The following CXCL12 variants were observed in gnomAD, a reference collection of about 807,000 sequenced individuals.
The protein encoded by CXCL12 is stromal cell-derived factor 1.
Under a neutral mutation model 10.7 loss-of-function variants are expected in CXCL12, and 4 were observed. That is an observed-to-expected ratio of 0.37 (90% CI 0.18 to 0.86). The LOEUF (loss-of-function observed/expected upper bound fraction) is 0.86, where lower values mean the gene tolerates loss of function less well. Among genes scored for constraint, CXCL12 ranks in the 40% least tolerant of loss-of-function variants. CXCL12 has a pLI of 0.43. For missense variants in CXCL12, 122 were observed against 110.4 expected, an observed-to-expected ratio of 1.10 and a Z score of -0.47; for synonymous variants, 54 against 45.4, an observed-to-expected ratio of 1.19 and a Z score of -0.77.
downstream of CXCL12, chr10:44,372,472 C>A: frequency 3.3e-6 from 1 of 300,096 alleles, no homozygotes; most frequent in Non-Finnish European, 5.4e-6. Flanking sequence ...ACATTGGTCA[C>A]AGAGGAGGAC....
At chr10:44,384,417 T>C (rs1839732548) in intron 1 of CXCL12, among the ~76,000 whole-genome samples, 1 of 152,116 alleles carries the variant, frequency 6.6e-6, no homozygotes, top group African/African-American at 2.4e-5. Flanking sequence ...GAGGATCGGC[T>C]TCGCAGGGAG....
chr10:44,383,617 G>T (rs1006392109), intron 1 of CXCL12, among the ~76,000 whole-genome samples: 1 of 135,540 alleles, frequency 7.4e-6, no homozygotes, highest in Non-Finnish European at 1.6e-5. Context: ...TGCGGGGGGG[G>T]GGGGGGGTCA....
Position 44,377,094 on chromosome 10 carries a change from T to C in CXCL12, c.*1539A>G, listed in dbSNP as rs1839478298. On this transcript the variant is annotated 3_prime_UTR_variant, in exon 3 of 3. Transcript: ENST00000343575. ...CATCACTAACAACTAATGAATTTTA[T>C]TTCAGGTAAATAAATTCCCACATAC... is the stretch of plus-strand genomic sequence containing the variant. 2 of 985,698 alleles carry C rather than the reference T, an allele frequency of 2.0e-6. No homozygotes were observed. Among genetic ancestry groups the C allele is most frequent in the South Asian group, 9.4e-5 (2 of 21,308 alleles). 61.1% of individuals were successfully genotyped at this position (985,698 alleles called of 1,614,324 possible).
chr10:44,372,590 G>T, downstream of CXCL12: 2 of 1,201,060 alleles, frequency 1.7e-6, no homozygotes, highest in Non-Finnish European at 1.1e-6. Context: ...TTTCCTGCTT[G>T]GTGCACAGTT....
chr10:44,374,337 G>A, downstream of CXCL12: 1 of 418,350 alleles, frequency 2.4e-6, no homozygotes, highest in Non-Finnish European at 4.8e-6. Flanking sequence ...TGGGGGCACA[G>A]GTTTGCCCTC....
chr10:44,376,913 T>TAA (rs36112451), downstream of CXCL12: 37,721 of 144,990 alleles, frequency 0.26, 4,991 homozygotes, highest in Non-Finnish European at 0.29. Context: ...TCAATCGGGT[T>TAA]AAAAAAAAAA....
intron 1 of CXCL12, among the ~76,000 whole-genome samples, chr10:44,384,002 CCTGTG>C (rs1839718277): frequency 6.6e-6 from 1 of 152,212 alleles, no homozygotes; most frequent in Non-Finnish European, 1.5e-5. Flanking sequence ...GCATCGGTGT[CCTGTG>C]ACAGCGCAGC....
At chr10:44,376,066 G>A (rs1290882234), downstream of CXCL12, 5 of 1,601,338 alleles carry the variant, frequency 3.1e-6, no homozygotes, top group African/African-American at 5.4e-5. Flanking sequence ...TTAATAATGT[G>A]GAAATAAACA....
In CXCL12 at chr10:44,384,979, C is replaced by T; in HGVS notation, c.27G>A (p.Leu9=). The change falls in exon 1 of 3, where the codon CTG becomes CTA. Residue 9 remains leucine, a synonymous_variant. Transcript: ENST00000343575. ...GGCAGAGCGCGGTCAGCACGAGGACCAGCACGACCACGACCTTGGCGTTCA... is the reference window on the plus strand; with the variant it reads ...GGCAGAGCGCGGTCAGCACGAGGACTAGCACGACCACGACCTTGGCGTTCA... The part of the protein sequence containing the change: MNAKVVVV[L]VLVLTALCLS... 2 of 1,544,322 alleles carry T rather than the reference C, an allele frequency of 1.3e-6. No homozygotes were observed. Among genetic ancestry groups the T allele is most frequent in the South Asian group, 2.4e-5 (2 of 84,648 alleles).
chr10:44,377,743 G>C lies in CXCL12; in HGVS notation c.*890C>G, dbSNP rs751715604. ...ACTTGTCTTTTGCGGGTAAGCAGGGGGACCATTACACATCCCCAGGAGAGG... is the reference window on the plus strand; with the variant it reads ...ACTTGTCTTTTGCGGGTAAGCAGGGCGACCATTACACATCCCCAGGAGAGG... On this transcript the variant is annotated 3_prime_UTR_variant, in exon 3 of 3. Coordinates refer to ENST00000343575, the MANE Select transcript of CXCL12 (RefSeq NM_199168.4). The C allele has an allele frequency of 1.9e-6, 3 of 1,598,344 alleles. No homozygotes were observed. The South Asian group carries it at 3.3e-5, about 18-fold the overall frequency.
At position 44,385,045 on chromosome 10, in the gene CXCL12, CG is replaced by C. The variant is rs1367816967; in HGVS notation, c.-41del. ...GGCGGGCGGGCGGACGAGCGCGGGT[CG>C]GGGGCCGGACGCCGAGCGGGCAATG... On this transcript the variant is annotated 5_prime_UTR_variant, in exon 1 of 3. Transcript: ENST00000343575. 7.8e-6 allele frequency: 11 copies of C among 1,406,466 alleles called. No individual in the cohort carries two copies. Among genetic ancestry groups the C allele is most frequent in the Admixed American group, 2.5e-5 (1 of 39,562 alleles). The allele number at this position is 1,406,466 out of a possible 1,614,324, so 87.1% of individuals were successfully genotyped here.
rs71020334 is a variant in CXCL12, at chr10:44,383,611, G to GC, written c.61+1333_61+1334insG. The stretch of plus-strand genomic sequence containing the variant: ...CTAGAAACATGCCCCATGACTTGCG[G>GC]GGGGGGGGGGGGGTCAGTGTGCAGA... On this transcript the variant is annotated intron_variant, in intron 1 of 2. Coordinates refer to ENST00000343575, the MANE Select transcript of CXCL12 (RefSeq NM_199168.4). Among the ~76,000 whole-genome samples the GC allele has an allele frequency of 5.4e-3, 416 of 76,788 alleles. 26 individuals are homozygous for GC. The highest frequency in any genetic ancestry group is 0.023 in the East Asian group (46 of 2,040). The allele number at this position is 76,788 out of a possible 152,430, so 50.4% of individuals were successfully genotyped here.
chr10:44,372,863 C>A, downstream of CXCL12: 1 of 1,530,054 alleles, frequency 6.5e-7, no homozygotes, highest in South Asian at 1.2e-5. Flanking sequence ...CCTCCACCAT[C>A]CCATCCCACA....
intron 1 of CXCL12, among the ~76,000 whole-genome samples, chr10:44,384,526 C>T (rs1017576959): frequency 1.3e-5 from 2 of 152,230 alleles, no homozygotes; most frequent in South Asian, 2.1e-4. Context: ...CGACCTCCAG[C>T]ACTGTGCGCA....
At chr10:44,374,148 C>T (rs1839389288), downstream of CXCL12, 3 of 320,184 alleles carry the variant, frequency 9.4e-6, no homozygotes, top group Non-Finnish European at 1.9e-5. Context: ...ACTCTCAGTC[C>T]CTGCAGACCC....
intron 1 of CXCL12, among the ~76,000 whole-genome samples, chr10:44,382,555 C>G (rs1188116322): frequency 1.3e-5 from 2 of 152,112 alleles, no homozygotes; most frequent in African/African-American, 2.4e-5. Context: ...CAGCCGCCCC[C>G]GCTGGGATGG....
At chr10:44,371,468 T>C, downstream of CXCL12, 2 of 327,958 alleles carry the variant, frequency 6.1e-6, no homozygotes, top group South Asian at 4.8e-5. Context: ...TCAAAAGGTT[T>C]TGAAAGAGTT....
chr10:44,378,471 G>A lies in CXCL12; in HGVS notation c.*162C>T. The stretch of plus-strand genomic sequence containing the variant: ...GCTATAAATGCAGGGTCTAAATGCT[G>A]GCAAACCTCAGGCCCGATCCCAGAT... On this transcript the variant is annotated 3_prime_UTR_variant, in exon 3 of 3. Transcript: ENST00000343575. 1 of 1,536,444 alleles carries A rather than the reference G, an allele frequency of 6.5e-7. No homozygotes were observed.
At chr10:44,374,381 G>T, downstream of CXCL12, 1 of 450,820 alleles carries the variant, frequency 2.2e-6, no homozygotes, top group Non-Finnish European at 4.5e-6. Flanking sequence ...CCATGGACTA[G>T]AGTGGCTACT....
Sources: gnomAD v4.1 joint callset for allele counts (sites outside exome capture counted in the v4.1 genomes callset) on GRCh38, gnomAD v4.1.1 for gene constraint, MANE v1.5 for transcripts, NCBI Gene and HGNC (gene_info 2026-07-23, HGNC 2026-07-21) for gene names.